Variants in GNAI2 observed in about 807,000 individuals in gnomAD.
The protein encoded by GNAI2 is guanine nucleotide-binding protein G(i) subunit alpha-2.
In GNAI2, 4 loss-of-function variants were observed where a neutral mutation model predicts 36.8. The ratio of observed to expected loss-of-function variants is 0.11; its 90% confidence interval spans 0.05 to 0.25. GNAI2 has a LOEUF of 0.25. GNAI2 is among the 10% of genes least tolerant of loss of function. The pLI, the probability that GNAI2 is intolerant of heterozygous loss-of-function variation, is 1.00. For missense variants in GNAI2, 230 were observed against 481.3 expected (o/e 0.48, Z 4.89); for synonymous variants, 194 against 194.1 (o/e 1.00, Z 0.01).
chr3:50,256,876 G>T (rs201368165), intron 6 of GNAI2, 24 bp downstream of exon 6: 6 of 1,613,804 alleles, frequency 3.7e-6, no homozygotes, highest in Non-Finnish European at 5.1e-6. Flanking sequence ...AGAATGCTGC[G>T]GGTGGGGGCA....
chr3:50,227,215 C>G, upstream of GNAI2: 1 of 1,371,928 alleles, frequency 7.3e-7, no homozygotes, highest in Non-Finnish European at 9.5e-7. The surrounding 1 kb of genome is among the most constrained non-coding windows in gnomAD (Gnocchi z 5.9). Context: ...GCGGCTATCG[C>G]GGAGGAGACC....
chr3:50,250,480 CAA>C (rs1700528299), intron 1 of GNAI2, among the ~76,000 whole-genome samples: 1 of 152,148 alleles, frequency 6.6e-6, no homozygotes, highest in Non-Finnish European at 1.5e-5. Flanking sequence ...GTATTCCCGG[CAA>C]AGAGAACAGC....
intron 4 of GNAI2, among the ~76,000 whole-genome samples, chr3:50,254,479 C>T (rs1346038586): frequency 6.6e-6 from 1 of 152,144 alleles, no homozygotes; most frequent in Non-Finnish European, 1.5e-5. Flanking sequence ...GATTCCTGAG[C>T]CCTGTCCAAG....
upstream of GNAI2, among the ~76,000 whole-genome samples, chr3:50,234,619 C>A (rs1700126556): frequency 6.6e-6 from 1 of 152,136 alleles, no homozygotes; most frequent in Admixed American, 6.5e-5. Flanking sequence ...CCCAGAGTTG[C>A]TGGGATTATA....
At chr3:50,227,418 G>A (rs1477414232), upstream of GNAI2, 1 of 367,276 alleles carries the variant, frequency 2.7e-6, no homozygotes, top group Non-Finnish European at 4.9e-6. This position sits in a 1 kb window ranked among gnomAD's most constrained non-coding sequence, Gnocchi z 5.9. Context: ...GGGCCACCGT[G>A]AGTGGGGGCC....
At chr3:50,249,774 CAGA>C (rs1364094708) in intron 1 of GNAI2, among the ~76,000 whole-genome samples, 1 of 152,234 alleles carries the variant, frequency 6.6e-6, no homozygotes, top group Non-Finnish European at 1.5e-5. Flanking sequence ...CTGGGACAGT[CAGA>C]AGCTCAGTGA....
upstream of GNAI2, among the ~76,000 whole-genome samples, chr3:50,227,854 G>A (rs1193372334): frequency 6.6e-6 from 1 of 152,208 alleles, no homozygotes; most frequent in Admixed American, 6.5e-5. This position sits in a 1 kb window ranked among gnomAD's most constrained non-coding sequence, Gnocchi z 5.9. Context: ...CTCGCAAAAT[G>A]CCGTCCTGGT....
chr3:50,244,025 CTTT>C (rs782681282), intron 1 of GNAI2, among the ~76,000 whole-genome samples: 5 of 120,394 alleles, frequency 4.2e-5, no homozygotes, highest in Non-Finnish European at 3.3e-5. Flanking sequence ...CCCTCCACTC[CTTT>C]TTTTTTTTTT....
chr3:50,236,383 T>C lies in GNAI2; in HGVS notation c.48T>C (p.Ser16=), dbSNP rs1553700379. Residue 16 remains serine (S), a synonymous_variant, in exon 1 of 9, where the codon TCT becomes TCC. Transcript: ENST00000313601. The surrounding 1 kb of genome is among the most constrained non-coding windows in gnomAD (Gnocchi z 4.0). The part of the protein sequence containing the change: ...SAEDKAAAER[S]KMIDKNLRED... ...AGGACAAGGCGGCGGCCGAGCGCTC[T>C]AAGATGATCGACAAGAACCTGCGGG... 6.4e-7 allele frequency: 1 copy of C among 1,573,650 alleles called. No homozygotes were observed. Among genetic ancestry groups the C allele is most frequent in the East Asian group, 2.5e-5 (1 of 39,640 alleles).
In GNAI2 at chr3:50,252,325, C is replaced by T; in HGVS notation, c.162-72C>T. The T allele has an allele frequency of 6.5e-7, 1 of 1,539,926 alleles. No individual in the cohort carries two copies. The highest frequency in any genetic ancestry group is 9.0e-7 in the Non-Finnish European group (1 of 1,115,566). ...GTTTTCCCTTCTCTGAAGCAGGTCC[C>T]AGTAGCCCCAGGCAGCCGTGGGAAC... On this transcript the variant is annotated intron_variant, in intron 2 of 8. Transcript: ENST00000313601. This position sits in a 1 kb window ranked among gnomAD's most constrained non-coding sequence, Gnocchi z 4.1.
At chr3:50,243,937 G>T (rs1700355771) in intron 1 of GNAI2, among the ~76,000 whole-genome samples, 1 of 152,106 alleles carries the variant, frequency 6.6e-6, no homozygotes, top group Admixed American at 6.6e-5. Context: ...GAGGCGGAAA[G>T]GGAGCTGTCT....
chr3:50,228,653 G>A (rs768906096), upstream of GNAI2, among the ~76,000 whole-genome samples: 3 of 152,094 alleles, frequency 2.0e-5, no homozygotes, highest in Non-Finnish European at 4.4e-5. Context: ...CTTGCCCCAT[G>A]GCCGGGATGA....
In GNAI2 at chr3:50,256,744, G is replaced by A. The variant is rs782281236; in HGVS notation, c.615G>A (p.Gln205=). Residue 205 remains glutamine, a synonymous_variant, in exon 6 of 9, where the codon CAG becomes CAA. Transcript: ENST00000313601. Reference sequence around the variant, plus strand: ...GCAGGATGTTTGATGTGGGTGGTCAGCGGTCTGAGCGGAAGAAGTGGATCC... The same window carrying A: ...GCAGGATGTTTGATGTGGGTGGTCAACGGTCTGAGCGGAAGAAGTGGATCC... ...LHFKMFDVGG[Q]RSERKKWIHC... The A allele has an allele frequency of 7.7e-5, 125 of 1,614,044 alleles. No homozygotes were observed. The highest frequency in any genetic ancestry group is 1.0e-4 in the Non-Finnish European group (120 of 1,179,976).
At chr3:50,251,128 C>T (rs1700548294) in intron 1 of GNAI2, among the ~76,000 whole-genome samples, 1 of 152,120 alleles carries the variant, frequency 6.6e-6, no homozygotes, top group Non-Finnish European at 1.5e-5. Flanking sequence ...CTTTTTTAAA[C>T]ACCTCCCCAA....
At chr3:50,246,934 C>T (rs1700438159) in intron 1 of GNAI2, 2 of 1,470,528 alleles carry the variant, frequency 1.4e-6, no homozygotes, top group Non-Finnish European at 9.0e-7. Context: ...TGAGTCCCAG[C>T]AGGGAACCAC....
In GNAI2 at chr3:50,236,477, A is replaced by T; in HGVS notation, c.118+24A>T. The T allele has an allele frequency of 1.3e-6, 2 of 1,570,156 alleles. No homozygotes were observed. Among genetic ancestry groups the T allele is most frequent in the Non-Finnish European group, 1.7e-6 (2 of 1,162,678 alleles). On this transcript the variant is annotated intron_variant, in intron 1 of 8. Coordinates refer to ENST00000313601, the MANE Select transcript of GNAI2 (RefSeq NM_002070.4). The surrounding 1 kb of genome is among the most constrained non-coding windows in gnomAD (Gnocchi z 4.0). The stretch of plus-strand genomic sequence containing the variant: ...GGGTGAGGCCGCGTCCCGCACTGGG[A>T]TCCTTGATTCCCAGCTCGAATCCCC...
At position 50,236,434 on chromosome 3, in the gene GNAI2, G is replaced by A; in HGVS notation, c.99G>A (p.Glu33=). ...LREDGEKAAR[E]VKLLLLGAGE... ...AGGACGGAGAGAAGGCGGCGCGGGA[G>A]GTGAAGTTGCTGCTGTTGGGTGAGG... The change falls in exon 1 of 9, where the codon GAG becomes GAA. Residue 33 remains glutamate, a synonymous_variant. Transcript: ENST00000313601. This position sits in a 1 kb window ranked among gnomAD's most constrained non-coding sequence, Gnocchi z 4.0. 1 of 1,577,648 alleles carries A rather than the reference G, an allele frequency of 6.3e-7. No homozygotes were observed. The highest frequency in any genetic ancestry group is 8.6e-7 in the Non-Finnish European group (1 of 1,165,016).
rs1443966504 is a variant in GNAI2, at chr3:50,252,788, C to T, written c.304-236C>T. On this transcript the variant is annotated intron_variant, in intron 3 of 8. Transcript: ENST00000313601. The surrounding 1 kb of genome is among the most constrained non-coding windows in gnomAD (Gnocchi z 4.1). ...CTGAAGCAGGAGAATTGCTTGAACCCGGGAGGCAGAGGATGCAGTGAGCCA... is the reference window on the plus strand; with the variant it reads ...CTGAAGCAGGAGAATTGCTTGAACCTGGGAGGCAGAGGATGCAGTGAGCCA... Among the ~76,000 whole-genome samples the T allele has an allele frequency of 1.3e-5, 2 of 152,154 alleles. No individual in the cohort carries two copies. Among genetic ancestry groups the T allele is most frequent in the African/African-American group, 2.4e-5 (1 of 41,442 alleles).
intron 1 of GNAI2, among the ~76,000 whole-genome samples, chr3:50,243,736 C>T (rs10510755): frequency 0.088 from 13,333 of 152,260 alleles, 665 homozygotes; most frequent in Middle Eastern, 0.11. Flanking sequence ...TGCACTTAAA[C>T]AGGGAACAGA....
Sources: gnomAD v4.1 joint callset for allele counts (sites outside exome capture counted in the v4.1 genomes callset) on GRCh38, gnomAD v4.1.1 for gene constraint, Gnocchi (gnomAD v3.1) non-coding constraint, MANE v1.5 for transcripts, NCBI Gene and HGNC (gene_info 2026-07-23, HGNC 2026-07-21) for gene names.